AXIN1: variants seen among roughly 807,000 people sequenced by gnomAD.
AXIN1 encodes the protein axin 1.
Under a neutral mutation model 76.4 loss-of-function variants are expected in AXIN1, and 30 were observed. The ratio of observed to expected loss-of-function variants is 0.39; its 90% CI spans 0.29 to 0.53. The LOEUF (loss-of-function observed/expected upper bound fraction) is 0.53. Ranked by LOEUF, AXIN1 falls within the 20% of genes least tolerant of loss-of-function variation. The pLI is 0.66. For missense variants in AXIN1, 1,140 were observed against 1,198.8 expected (o/e 0.95, Z 0.72); for synonymous variants, 545 against 501.4 (o/e 1.09, Z -1.16).
rs557892605 is a variant in AXIN1 at position 337,766 on chromosome 16, G to A, written c.878+8382C>T. ...TCCACACAAGCCAGCGTTCAACTCC[G>A]GACAGGGCCCAGGGTCCTTGCTGGA... On this transcript the variant is annotated intron_variant, in intron 2 of 10. Coordinates refer to ENST00000262320, the MANE Select transcript of AXIN1 (RefSeq NM_003502.4). Among the ~76,000 whole-genome samples the A allele has an allele frequency of 5.3e-4, 81 of 152,362 alleles. 1 individual carries two copies. Among genetic ancestry groups the A allele is most frequent in the African/African-American group, 1.8e-3 (73 of 41,586 alleles).
At chr16:325,086 G>A (rs1409031003) in intron 2 of AXIN1, among the ~76,000 whole-genome samples, 1 of 151,570 alleles carries the variant, frequency 6.6e-6, no homozygotes, top group Non-Finnish European at 1.5e-5. Flanking sequence ...CGCGCCCCAG[G>A]AAACCATGGC....
chr16:305,109 C>T (rs961148769), intron 4 of AXIN1, among the ~76,000 whole-genome samples: 4 of 152,210 alleles, frequency 2.6e-5, no homozygotes, highest in Non-Finnish European at 4.4e-5. Flanking sequence ...CGAGGCCCCA[C>T]GGCAGGGAAG....
chr16:329,272 C>CAAAAAA (rs1176095680), intron 2 of AXIN1, among the ~76,000 whole-genome samples: 5 of 71,184 alleles, frequency 7.0e-5, no homozygotes, highest in African/African-American at 2.6e-4. Flanking sequence ...GCGAGACTGT[C>CAAAAAA]AAAAAAAAAA....
At chr16:323,673 C>T (rs1010821587) in intron 2 of AXIN1, among the ~76,000 whole-genome samples, 1 of 151,460 alleles carries the variant, frequency 6.6e-6, no homozygotes, top group Non-Finnish European at 1.5e-5. Context: ...CCCAGCTACT[C>T]GGGAGTCTGA....
At chr16:299,971 A>AT (rs993945897) in intron 5 of AXIN1, among the ~76,000 whole-genome samples, 1 of 147,608 alleles carries the variant, frequency 6.8e-6, no homozygotes, top group South Asian at 2.2e-4. Flanking sequence ...TATTTATTTA[A>AT]TTTTTTTTTG....
At chr16:312,705 C>T (rs2053210251) in intron 3 of AXIN1, among the ~76,000 whole-genome samples, 1 of 152,234 alleles carries the variant, frequency 6.6e-6, no homozygotes, top group South Asian at 2.1e-4. Context: ...AGAAGCCACA[C>T]ACAGCAGCTC....
chr16:348,865 A>C (rs1172067875), intron 1 of AXIN1, among the ~76,000 whole-genome samples: 1 of 151,910 alleles, frequency 6.6e-6, no homozygotes, highest in African/African-American at 2.4e-5. Context: ...TTGGGAAGCC[A>C]AGGCGGGCGG....
intron 3 of AXIN1, 127 bp downstream of exon 3, chr16:314,416 G>T: frequency 6.9e-7 from 1 of 1,444,840 alleles, no homozygotes; most frequent in Non-Finnish European, 9.5e-7. Flanking sequence ...CTTACACGCT[G>T]CCATCCGCAA....
At chr16:348,872 G>A (rs2054086148) in intron 1 of AXIN1, among the ~76,000 whole-genome samples, 1 of 151,910 alleles carries the variant, frequency 6.6e-6, no homozygotes, top group African/African-American at 2.4e-5. Context: ...GCCAAGGCGG[G>A]CGGATCACGA....
intron 9 of AXIN1, 123 bp from the exon 10 acceptor site, chr16:289,730 T>C (rs1296729335): frequency 4.0e-6 from 5 of 1,242,776 alleles, no homozygotes; most frequent in Admixed American, 2.0e-5. Flanking sequence ...AGCACCCCAT[T>C]CAAACACCTG....
At chr16:294,462 A>C (rs2052653618) in intron 7 of AXIN1, among the ~76,000 whole-genome samples, 1 of 96,856 alleles carries the variant, frequency 1.0e-5, no homozygotes, top group African/African-American at 4.3e-5. Flanking sequence ...CTCCATCTCA[A>C]AAAAAAAAAA....
In AXIN1 at chr16:297,149, C is replaced by T. The variant is rs1481633597; in HGVS notation, c.1862G>A (p.Gly621Asp). Residue 621 changes from glycine to aspartate, a missense_variant, in exon 7 of 11, where the codon GGT becomes GAT. By Grantham distance (94) the Gly-to-Asp change is moderately conservative. Around this residue, in one of 3 missense-constraint regions of AXIN1, gnomAD observed 429 missense variants for 405.8 expected, o/e 1.06. Transcript: ENST00000262320. ...GTTCTTCTCCGCATCCTCCGAGGCA[C>T]CTGGCACCTCGGTGCTGGCGCTCTT... ...SGKSASTEVP[G>D]ASEDAEKNQK... The T allele has an allele frequency of 6.2e-7, 1 of 1,612,506 alleles. No homozygotes were observed. Among genetic ancestry groups the T allele is most frequent in the African/African-American group, 1.3e-5 (1 of 75,020 alleles).
intron 2 of AXIN1, among the ~76,000 whole-genome samples, chr16:333,924 G>A (rs2053745643): frequency 6.6e-6 from 1 of 150,652 alleles, no homozygotes; most frequent in Non-Finnish European, 1.5e-5. Flanking sequence ...CCATAACACA[G>A]CACCCAGTAC....
At chr16:294,738 G>A (rs1382854950) in intron 7 of AXIN1, among the ~76,000 whole-genome samples, 1 of 129,842 alleles carries the variant, frequency 7.7e-6, no homozygotes, top group East Asian at 2.3e-4. Flanking sequence ...CTGAGCCACA[G>A]GAGCGAAACC....
intron 3 of AXIN1, 51 bp downstream of exon 3, chr16:314,492 G>A (rs1329726215): frequency 1.2e-6 from 2 of 1,610,982 alleles, no homozygotes; most frequent in East Asian, 4.5e-5. Flanking sequence ...TCTGGGACCG[G>A]ACTTACACAC....
chr16:328,488 G>A (rs976060599), intron 2 of AXIN1, among the ~76,000 whole-genome samples: 2 of 151,070 alleles, frequency 1.3e-5, no homozygotes, highest in African/African-American at 2.4e-5. Context: ...CTGAGGTTGG[G>A]AGTTCGCAAC....
At chr16:310,740 G>C (rs2053156143) in intron 3 of AXIN1, among the ~76,000 whole-genome samples, 1 of 152,232 alleles carries the variant, frequency 6.6e-6, no homozygotes, top group Non-Finnish European at 1.5e-5. Flanking sequence ...AAGAATCTGT[G>C]ACAGGGACTG....
chr16:308,660 C>T (rs1051956293), intron 4 of AXIN1, among the ~76,000 whole-genome samples: 3 of 152,228 alleles, frequency 2.0e-5, no homozygotes, highest in African/African-American at 4.8e-5. Flanking sequence ...GTGCAGGTGC[C>T]CTCGACTTGG....
intron 4 of AXIN1, among the ~76,000 whole-genome samples, chr16:304,993 C>G (rs1212278830): frequency 6.6e-6 from 1 of 152,216 alleles, no homozygotes; most frequent in South Asian, 2.1e-4. Context: ...ACTACCAGAT[C>G]AAGAGGCCTG....
Sources: gnomAD v4.1 joint callset for allele counts (sites outside exome capture counted in the v4.1 genomes callset) on GRCh38, gnomAD v4.1.1 for gene constraint, gnomAD v4.1.1 regional missense constraint, MANE v1.5 for transcripts, NCBI Gene and HGNC (gene_info 2026-07-23, HGNC 2026-07-21) for gene names.